The following CTNND2 variants were observed in gnomAD, a reference collection of about 807,000 sequenced individuals.
CTNND2 encodes the protein catenin delta-2.
CTNND2 carries 22 observed loss-of-function variants against 144.4 expected under a neutral mutation model. The observed-to-expected ratio is 0.15, with a 90% CI of 0.11 to 0.22. CTNND2 has a LOEUF of 0.22. Ranked by LOEUF, CTNND2 falls within the 10% of genes least tolerant of loss-of-function variation. CTNND2 has a pLI of 1.00. For synonymous variants in CTNND2, 751 were observed against 695.6 expected (o/e 1.08, Z -1.25); for missense variants, 1,353 against 1,618.8 (o/e 0.84, Z 2.82).
chr5:11,628,481 A>G (rs1215090234), intron 2 of CTNND2, among the ~76,000 whole-genome samples: 1 of 152,222 alleles, frequency 6.6e-6, no homozygotes, highest in African/African-American at 2.4e-5. Flanking sequence ...CCAAGGTCAC[A>G]CAAAGAGTAT....
intron 16 of CTNND2, among the ~76,000 whole-genome samples, chr5:11,062,327 G>A (rs547371934): frequency 2.2e-4 from 34 of 152,258 alleles, no homozygotes; most frequent in African/African-American, 7.7e-4. Context: ...ATTAGTCCCT[G>A]GGAATTTTTA....
At chr5:11,500,537 A>C (rs951292813) in intron 3 of CTNND2, among the ~76,000 whole-genome samples, 2 of 152,202 alleles carry the variant, frequency 1.3e-5, no homozygotes, top group African/African-American at 4.8e-5. Flanking sequence ...GACTGATAAT[A>C]AAAACAAACT....
chr5:11,734,753 G>T (rs926771128), intron 1 of CTNND2, among the ~76,000 whole-genome samples: 1 of 152,078 alleles, frequency 6.6e-6, no homozygotes, highest in Admixed American at 6.6e-5. Flanking sequence ...AAGTTATTAC[G>T]TATGTCTAGT....
chr5:11,190,832 TA>T (rs1210070563), intron 11 of CTNND2, among the ~76,000 whole-genome samples: 3 of 152,014 alleles, frequency 2.0e-5, no homozygotes, highest in Non-Finnish European at 4.4e-5. Context: ...TTCTAGAATC[TA>T]GAAGAGAATG....
At chr5:11,315,920 T>C (rs1337780563) in intron 9 of CTNND2, among the ~76,000 whole-genome samples, 2 of 152,176 alleles carry the variant, frequency 1.3e-5, no homozygotes, top group Non-Finnish European at 2.9e-5. Context: ...TTTCATATAA[T>C]ACCCTGAGCA....
chr5:11,752,756 CTATAAGT>C (rs1464255209), intron 1 of CTNND2, among the ~76,000 whole-genome samples: 1 of 151,748 alleles, frequency 6.6e-6, no homozygotes, highest in Non-Finnish European at 1.5e-5. Flanking sequence ...AGCATTCAAT[CTATAAGT>C]TGCTTTGGGC....
chr5:11,666,934 C>CA (rs1783599440), intron 2 of CTNND2, among the ~76,000 whole-genome samples: 1 of 151,798 alleles, frequency 6.6e-6, no homozygotes, highest in African/African-American at 2.4e-5. Flanking sequence ...CACCCCCTGA[C>CA]AGGCCCCAGT....
intron 1 of CTNND2, among the ~76,000 whole-genome samples, chr5:11,786,752 A>G (rs912453735): frequency 2.0e-5 from 3 of 152,230 alleles, no homozygotes. Context: ...TTCCATGAAT[A>G]CACACTTATC....
intron 12 of CTNND2, among the ~76,000 whole-genome samples, chr5:11,128,071 T>G (rs1754857815): frequency 6.6e-6 from 1 of 152,102 alleles, no homozygotes; most frequent in Admixed American, 6.5e-5. Flanking sequence ...GTTACAATGT[T>G]TAAAATAGGG....
intron 2 of CTNND2, among the ~76,000 whole-genome samples, chr5:11,707,793 AAAG>A (rs1477444071): frequency 2.0e-5 from 3 of 152,220 alleles, no homozygotes; most frequent in African/African-American, 7.2e-5. Flanking sequence ...TTTAAAAATA[AAAG>A]AAGAAAAACT....
intron 1 of CTNND2, among the ~76,000 whole-genome samples, chr5:11,797,979 T>C (rs1209311092): frequency 6.6e-6 from 1 of 152,126 alleles, no homozygotes; most frequent in East Asian, 1.9e-4. Context: ...GTGTTTTGGC[T>C]GAGCTTGGTG....
intron 11 of CTNND2, among the ~76,000 whole-genome samples, chr5:11,166,249 C>CTTT (rs11400471): frequency 3.2e-5 from 4 of 125,868 alleles, no homozygotes; most frequent in African/African-American, 6.1e-5. Flanking sequence ...CAAAAAAGTT[C>CTTT]TTTTTTTTTT....
intron 1 of CTNND2, among the ~76,000 whole-genome samples, chr5:11,766,294 T>C (rs2126814775): frequency 6.6e-6 from 1 of 152,304 alleles, no homozygotes; most frequent in East Asian, 1.9e-4. Context: ...CCGCTTGATG[T>C]TCAAATGGGT....
chr5:11,124,303 T>A (rs1316502011), intron 12 of CTNND2, among the ~76,000 whole-genome samples: 3 of 152,138 alleles, frequency 2.0e-5, no homozygotes, highest in Non-Finnish European at 2.9e-5. Flanking sequence ...ATGCAAAAAA[T>A]TGGCTCTTTG....
At chr5:11,625,672 G>A (rs10064614) in intron 2 of CTNND2, among the ~76,000 whole-genome samples, 2,564 of 151,992 alleles carry the variant, frequency 0.017, 86 homozygotes, top group African/African-American at 0.059. Flanking sequence ...AATTAAAAGG[G>A]AACCACAGAC....
chr5:11,860,424 C>G (rs567603384), intron 1 of CTNND2, among the ~76,000 whole-genome samples: 1 of 152,294 alleles, frequency 6.6e-6, no homozygotes, highest in Non-Finnish European at 1.5e-5. Flanking sequence ...AGGTTTATAA[C>G]CAATTCTCTA....
chr5:11,604,498 G>A lies in CTNND2; in HGVS notation c.175-39442C>T, dbSNP rs115189682. On this transcript the variant is annotated intron_variant, in intron 2 of 21. Coordinates refer to ENST00000304623, the MANE Select transcript of CTNND2 (RefSeq NM_001332.4). ...GATGTCTTGTGGAGCATGGGTCTGC[G>A]CACAGCTCCGCCTCCAAAGCCTTGA... is the stretch of plus-strand genomic sequence containing the variant. Among the ~76,000 whole-genome samples the A allele has an allele frequency of 3.1e-3, 476 of 152,304 alleles. 2 individuals carry two copies. The highest frequency in any genetic ancestry group is 5.7e-3 in the Admixed American group (87 of 15,304).
intron 3 of CTNND2, among the ~76,000 whole-genome samples, chr5:11,536,878 A>C (rs1318483230): frequency 6.6e-6 from 1 of 152,180 alleles, no homozygotes; most frequent in Non-Finnish European, 1.5e-5. Context: ...CTATTGAAAT[A>C]AAAAATAATT....
intron 3 of CTNND2, among the ~76,000 whole-genome samples, chr5:11,503,748 A>G (rs991195943): frequency 6.6e-6 from 1 of 152,210 alleles, no homozygotes. Context: ...TTCTTTCTGT[A>G]AACTGGTTTG....
Sources: allele counts gnomAD v4.1 joint callset (sites outside exome capture counted in the v4.1 genomes callset), GRCh38; gene constraint gnomAD v4.1.1; transcripts MANE v1.5; gene names NCBI Gene and HGNC (gene_info 2026-07-23, HGNC 2026-07-21).